The following USP15 variants were observed in gnomAD, a reference collection of about 807,000 sequenced individuals.
USP15 encodes the protein ubiquitin carboxyl-terminal hydrolase 15.
A neutral mutation model predicts 127.1 loss-of-function variants in USP15; 18 were observed. The ratio of observed to expected loss-of-function variants is 0.14; its 90% CI spans 0.10 to 0.21. The LOEUF (loss-of-function observed/expected upper bound fraction) is 0.21. Among genes scored for constraint, USP15 ranks in the 10% least tolerant of loss-of-function variants. The probability of loss-of-function intolerance (pLI) is 1.00; values close to 1 mark genes in which losing one functional copy is unlikely to be tolerated. For synonymous variants in USP15, 364 were observed against 393.7 expected, an observed-to-expected ratio of 0.92 and a Z score of 0.89; for missense variants, 805 against 1,159.9, an observed-to-expected ratio of 0.69 and a Z score of 4.44.
intron 1 of USP15, among the ~76,000 whole-genome samples, chr12:62,266,395 G>A (rs1158370749): frequency 6.6e-6 from 1 of 152,058 alleles, no homozygotes; most frequent in African/African-American, 2.4e-5. Flanking sequence ...ATGCAAATAT[G>A]AATGCATTAT....
chr12:62,353,691 G>A (rs368200156), intron 7 of USP15, among the ~76,000 whole-genome samples: 23 of 151,632 alleles, frequency 1.5e-4, no homozygotes, highest in African/African-American at 2.2e-4. Context: ...GATTTTTTTT[G>A]TACTTCAGCT....
chr12:62,279,822 T>A (rs17126063), intron 1 of USP15, among the ~76,000 whole-genome samples: 3,173 of 152,306 alleles, frequency 0.021, 104 homozygotes, highest in African/African-American at 0.073. Flanking sequence ...GTTGTGCCAG[T>A]ACCTTTTATA....
Position 62,335,480 on chromosome 12 carries a change from C to CTGTAGTATTTA in USP15, c.683+9548_683+9549insGTAGTATTTAT, listed in dbSNP as rs1272474393. On this transcript the variant is annotated intron_variant, in intron 6 of 21. Coordinates refer to ENST00000280377, the MANE Select transcript of USP15 (RefSeq NM_001252078.2). The stretch of plus-strand genomic sequence containing the variant: ...TTACTATTTAAGGACAGTCCCTCTA[C>CTGTAGTATTTA]TCTACCTGTAGTATTTATCTCAATG... 7 of 1,255,416 alleles carry CTGTAGTATTTA rather than the reference C, an allele frequency of 5.6e-6. No homozygotes were observed. In the African/African-American group the frequency reaches 7.6e-5, roughly 14 times the overall value. 77.8% of individuals were successfully genotyped at this position (1,255,416 alleles called of 1,614,324 possible). A position where few individuals can be genotyped will look rare whatever the true frequency, so the allele number is the denominator to read the frequency against.
At chr12:62,300,803 A>G (rs984290909) in intron 2 of USP15, among the ~76,000 whole-genome samples, 2 of 152,168 alleles carry the variant, frequency 1.3e-5, no homozygotes, top group Non-Finnish European at 2.9e-5. Context: ...CTTTTAGGAA[A>G]AAGTCTTTGC....
chr12:62,293,413 G>A (rs1458898523), intron 1 of USP15, among the ~76,000 whole-genome samples: 3 of 152,162 alleles, frequency 2.0e-5, no homozygotes, highest in Non-Finnish European at 4.4e-5. Context: ...CTGGACTGCA[G>A]TGGTGCGATC....
Position 62,407,140 on chromosome 12 carries a change from A to G in USP15, c.*2765A>G, listed in dbSNP as rs539907854. ...AGCCAGCATTTATTGAGCACTTACT[A>G]TGGACCAGGCACTATATTAAAGTGT... On this transcript the variant is annotated 3_prime_UTR_variant, in exon 22 of 22. Coordinates refer to ENST00000280377, the MANE Select transcript of USP15 (RefSeq NM_001252078.2). The G allele has an allele frequency of 5.9e-5, 9 of 152,324 alleles. No homozygotes were observed. Among genetic ancestry groups the G allele is most frequent in the Admixed American group, 2.6e-4 (4 of 15,298 alleles). The allele number at this position is 152,324 out of a possible 1,614,324, so 9.4% of individuals were successfully genotyped here. A position where few individuals can be genotyped will look rare whatever the true frequency, so the allele number is the denominator to read the frequency against.
At chr12:62,319,213 C>T (rs1202344476) in intron 4 of USP15, among the ~76,000 whole-genome samples, 1 of 152,130 alleles carries the variant, frequency 6.6e-6, no homozygotes, top group African/African-American at 2.4e-5. Flanking sequence ...GTGCTACACA[C>T]TTTCAAACAA....
chr12:62,370,345 C>T (rs1353522636), intron 8 of USP15, among the ~76,000 whole-genome samples: 1 of 152,104 alleles, frequency 6.6e-6, no homozygotes, highest in Non-Finnish European at 1.5e-5. Flanking sequence ...TGACCTTGAA[C>T]AGGATGATCT....
At chr12:62,312,091 C>T (rs2064696225) in intron 3 of USP15, among the ~76,000 whole-genome samples, 1 of 151,632 alleles carries the variant, frequency 6.6e-6, no homozygotes, top group African/African-American at 2.4e-5. Context: ...TCACCGTTAT[C>T]TGTTCTCACT....
rs2068077889 is a variant in USP15 at position 62,413,184 on chromosome 12, C to T, written c.*8809C>T. 6.6e-6 allele frequency: 1 copy of T among 152,154 alleles called. No individual in the cohort carries two copies. Among genetic ancestry groups the T allele is most frequent in the South Asian group, 2.1e-4 (1 of 4,830 alleles). The allele number at this position is 152,154 out of a possible 1,614,324, so 9.4% of individuals were successfully genotyped here. ...CTGAGCAATAGATCTCCGCAGTGGGCTTAAAATATTTAGTAAACCTTCCTA... is the reference window on the plus strand; with the variant it reads ...CTGAGCAATAGATCTCCGCAGTGGGTTTAAAATATTTAGTAAACCTTCCTA... On this transcript the variant is annotated 3_prime_UTR_variant, in exon 22 of 22. Coordinates refer to ENST00000280377, the MANE Select transcript of USP15 (RefSeq NM_001252078.2).
intron 8 of USP15, among the ~76,000 whole-genome samples, chr12:62,357,279 C>A (rs948960139): frequency 6.6e-6 from 1 of 152,006 alleles, no homozygotes; most frequent in East Asian, 1.9e-4. Flanking sequence ...GTATTGTCTG[C>A]ATATGGTTAA....
intron 1 of USP15, among the ~76,000 whole-genome samples, chr12:62,264,103 G>A (rs117229229): frequency 1.9e-4 from 29 of 152,264 alleles, no homozygotes; most frequent in Non-Finnish European, 3.2e-4. Flanking sequence ...TCCCACCTCA[G>A]CCTCCGCAGT....
chr12:62,336,262 A>C, intron 6 of USP15: 1 of 985,430 alleles, frequency 1.0e-6, no homozygotes, highest in Non-Finnish European at 1.2e-6. Flanking sequence ...TCTGAATTCC[A>C]GATTTTTCAT....
At chr12:62,263,354 G>C (rs2063117321) in intron 1 of USP15, among the ~76,000 whole-genome samples, 1 of 152,180 alleles carries the variant, frequency 6.6e-6, no homozygotes, top group Non-Finnish European at 1.5e-5. Flanking sequence ...TGAAGTTATA[G>C]TCATATGCAT....
At chr12:62,329,058 T>TA (rs1391436017) in intron 6 of USP15, among the ~76,000 whole-genome samples, 3 of 152,226 alleles carry the variant, frequency 2.0e-5, no homozygotes, top group African/African-American at 7.2e-5. Flanking sequence ...ATAACACTTA[T>TA]ATTTAATGAA....
chr12:62,390,727 T>A, intron 14 of USP15, 137 bp from the exon 15 acceptor site: 1 of 533,006 alleles, frequency 1.9e-6, no homozygotes, highest in Non-Finnish European at 3.3e-6. Flanking sequence ...GTACTAAAAG[T>A]TTGAATTTAT....
At chr12:62,343,049 G>A (rs2065695066) in intron 6 of USP15, among the ~76,000 whole-genome samples, 2 of 152,216 alleles carry the variant, frequency 1.3e-5, no homozygotes, top group South Asian at 4.1e-4. Context: ...CTGTCCCAGG[G>A]AGATGAGAGT....
intron 18 of USP15, 143 bp downstream of exon 18, chr12:62,392,530 A>C (rs908041773): frequency 2.1e-5 from 12 of 580,508 alleles, no homozygotes; most frequent in Admixed American, 7.2e-5. Flanking sequence ...GTTGTAGCCT[A>C]TTAAGAGGGA....
In USP15 at chr12:62,327,832, G is replaced by T. The variant is rs1008134308; in HGVS notation, c.683+1899G>T. On this transcript the variant is annotated intron_variant, in intron 6 of 21. Coordinates refer to ENST00000280377, the MANE Select transcript of USP15 (RefSeq NM_001252078.2). ...CAATTAAGAGTCCTATTTTTCACTGGATCTACTAGTTGAATAAGGATGCCA... is the reference window on the plus strand; with the variant it reads ...CAATTAAGAGTCCTATTTTTCACTGTATCTACTAGTTGAATAAGGATGCCA... 3 of 263,986 alleles carry T rather than the reference G, an allele frequency of 1.1e-5. No homozygotes were observed. The Admixed American group carries it at 1.6e-4, about 14-fold the overall frequency. The allele number at this position is 263,986 out of a possible 1,614,324, so 16.4% of individuals were successfully genotyped here.
Sources: gnomAD v4.1 joint callset for allele counts (sites outside exome capture counted in the v4.1 genomes callset) on GRCh38, gnomAD v4.1.1 for gene constraint, MANE v1.5 for transcripts, NCBI Gene and HGNC (gene_info 2026-07-23, HGNC 2026-07-21) for gene names.